Variants in LRRC18 observed in about 807,000 individuals in gnomAD.
The protein encoded by LRRC18 is leucine-rich repeat-containing protein 18.
In LRRC18, 12 loss-of-function variants were observed where a neutral mutation model predicts 11.2. The ratio of observed to expected loss-of-function variants is 1.07; its 90% CI spans 0.69 to 1.74. LRRC18 has a LOEUF of 1.74. LRRC18 is among the 40% of genes most tolerant of loss of function. The probability of loss-of-function intolerance (pLI) is 0.00; values close to 1 mark genes in which losing one functional copy is unlikely to be tolerated. For synonymous variants in LRRC18, 155 were observed against 130.6 expected (o/e 1.19, Z -1.27); for missense variants, 374 against 330.5 (o/e 1.13, Z -1.02).
At chr10:48,938,903 G>A in the LRRC18 span, among the ~76,000 whole-genome samples, 2 of 152,284 alleles carry the variant, frequency 1.3e-5, no homozygotes, top group Non-Finnish European at 1.5e-5. Flanking sequence ...TTGATGTGAT[G>A]TCCCCTGTAT....
upstream of LRRC18, among the ~76,000 whole-genome samples, chr10:48,915,635 C>T (rs1352787259): frequency 1.4e-4 from 21 of 152,124 alleles, no homozygotes; most frequent in Non-Finnish European, 4.4e-5. Flanking sequence ...GTTTTCCTCA[C>T]CCAGTGTCAA....
exon 1 of LRRC18, chr10:48,914,012 G>A (rs1474190649): frequency 6.2e-7 from 1 of 1,614,190 alleles, no homozygotes; most frequent in South Asian, 1.1e-5. Flanking sequence ...TGTCACTAAG[G>A]CGCAGAATAC....
chr10:48,911,402 C>T (rs763711025), intron 1 of LRRC18, among the ~76,000 whole-genome samples: 16 of 152,246 alleles, frequency 1.1e-4, no homozygotes, highest in Non-Finnish European at 2.1e-4. Context: ...CACCCTTTAA[C>T]ACAATATTTC....
At chr10:48,933,665 C>T in the LRRC18 span, among the ~76,000 whole-genome samples, 3 of 152,222 alleles carry the variant, frequency 2.0e-5, no homozygotes, top group East Asian at 3.9e-4. Context: ...GAGATGAGTT[C>T]CATTATATGA....
upstream of LRRC18, among the ~76,000 whole-genome samples, chr10:48,916,025 C>A (rs771965423): frequency 3.9e-5 from 6 of 152,236 alleles, no homozygotes; most frequent in Non-Finnish European, 8.8e-5. Context: ...ATTTTGTATG[C>A]TCACTTGGTC....
the LRRC18 span, among the ~76,000 whole-genome samples, chr10:48,935,394 T>C: frequency 0.012 from 1,802 of 152,354 alleles, 22 homozygotes; most frequent in African/African-American, 0.03. Context: ...ATTCCTGCAG[T>C]TGGGCTTTTC....
chr10:48,926,790 G>C, the LRRC18 span, among the ~76,000 whole-genome samples: 78 of 152,200 alleles, frequency 5.1e-4, no homozygotes, highest in Non-Finnish European at 1.9e-4. Flanking sequence ...GAGAGAAAGA[G>C]AAACAGTTTA....
At chr10:48,923,506 A>ATATATATATATATATG in the LRRC18 span, among the ~76,000 whole-genome samples, 2 of 115,108 alleles carry the variant, frequency 1.7e-5, no homozygotes, top group Non-Finnish European at 2.0e-5. Flanking sequence ...GTATATATAT[A>ATATATATATATATATG]TATATATGTC....
chr10:48,936,238 C>T, the LRRC18 span, among the ~76,000 whole-genome samples: 2 of 151,952 alleles, frequency 1.3e-5, no homozygotes, highest in Non-Finnish European at 2.9e-5. Flanking sequence ...CTAACTATAA[C>T]ATTTTTTAAT....
the LRRC18 span, among the ~76,000 whole-genome samples, chr10:48,923,508 A>ATATATATATATATATGTATGTATGTG: frequency 5.5e-5 from 8 of 146,258 alleles, no homozygotes; most frequent in Non-Finnish European, 9.0e-5. Context: ...ATATATATAT[A>ATATATATATATATATGTATGTATGTG]TATATGTCCC....
chr10:48,915,136 C>G (rs114549109), upstream of LRRC18, among the ~76,000 whole-genome samples: 7 of 152,244 alleles, frequency 4.6e-5, 1 homozygote, highest in African/African-American at 1.7e-4. Flanking sequence ...AAAACAGACA[C>G]CCTTACAGAG....
At chr10:48,923,496 GTA>G in the LRRC18 span, among the ~76,000 whole-genome samples, 6,320 of 63,100 alleles carry the variant, frequency 0.1, 1,028 homozygotes, top group African/African-American at 0.18. Context: ...ATAGTTTTTA[GTA>G]TATATATATA....
upstream of LRRC18, among the ~76,000 whole-genome samples, chr10:48,917,878 C>T (rs188728666): frequency 5.0e-3 from 760 of 152,088 alleles, 5 homozygotes; most frequent in African/African-American, 0.017. Context: ...TGTATGTGAT[C>T]GAAAGAAAAC....
upstream of LRRC18, among the ~76,000 whole-genome samples, chr10:48,914,841 A>C (rs1036423630): frequency 2.0e-5 from 3 of 152,168 alleles, no homozygotes; most frequent in Admixed American, 6.5e-5. Flanking sequence ...GCCCAGCAGC[A>C]CCATAACTCC....
At chr10:48,918,445 G>A (rs182259734), upstream of LRRC18, among the ~76,000 whole-genome samples, 1 of 152,220 alleles carries the variant, frequency 6.6e-6, no homozygotes. Context: ...GTCAGATAAA[G>A]CATATTTCAG....
At chr10:48,933,368 T>C in the LRRC18 span, among the ~76,000 whole-genome samples, 2 of 152,230 alleles carry the variant, frequency 1.3e-5, no homozygotes, top group Admixed American at 6.5e-5. Context: ...GGCGCATGCC[T>C]CGACTGGAGC....
upstream of LRRC18, among the ~76,000 whole-genome samples, chr10:48,915,537 A>G (rs984832956): frequency 3.3e-5 from 5 of 152,048 alleles, no homozygotes; most frequent in African/African-American, 1.2e-4. Context: ...CAGTTTCTGT[A>G]CTTCATCACC....
chr10:48,924,499 G>A, the LRRC18 span, among the ~76,000 whole-genome samples: 1 of 152,244 alleles, frequency 6.6e-6, no homozygotes. Flanking sequence ...TGGGCGAATA[G>A]ACAGACGAAT....
chr10:48,929,629 T>C, the LRRC18 span, among the ~76,000 whole-genome samples: 3 of 152,238 alleles, frequency 2.0e-5, no homozygotes, highest in Admixed American at 6.5e-5. Context: ...GTCTATACAC[T>C]AACGATTGCC....
Sources: gnomAD v4.1 joint callset for allele counts (sites outside exome capture counted in the v4.1 genomes callset) on GRCh38, gnomAD v4.1.1 for gene constraint, MANE v1.5 for transcripts, NCBI Gene and HGNC (gene_info 2026-07-23, HGNC 2026-07-21) for gene names.